ESRRG: variants seen among roughly 807,000 people sequenced by gnomAD.
The protein encoded by ESRRG is estrogen related receptor gamma.
In ESRRG, 13 loss-of-function variants were observed where a neutral mutation model predicts 44.0. That is an observed-to-expected ratio of 0.30 (90% CI 0.19 to 0.47). The LOEUF (loss-of-function observed/expected upper bound fraction) is 0.47, where lower values mean the gene tolerates loss of function less well. ESRRG is among the 20% of genes least tolerant of loss of function. The pLI is 1.00. For synonymous variants in ESRRG, 215 were observed against 214.6 expected (o/e 1.00, Z -0.02); for missense variants, 395 against 580.6 (o/e 0.68, Z 3.29).
intron 1 of ESRRG, among the ~76,000 whole-genome samples, chr1:217,030,749 T>G (rs886871413): frequency 9.2e-5 from 14 of 152,352 alleles, no homozygotes; most frequent in African/African-American, 3.4e-4. Flanking sequence ...ACTGGCCACA[T>G]GCAGTGACTA....
chr1:217,052,001 G>C (rs377570534), intron 1 of ESRRG, among the ~76,000 whole-genome samples: 1 of 151,982 alleles, frequency 6.6e-6, no homozygotes, highest in African/African-American at 2.4e-5. Flanking sequence ...AAACTCCTGG[G>C]CTCAAGCAAT....
chr1:216,584,927 G>A (rs1350071906), intron 3 of ESRRG, among the ~76,000 whole-genome samples: 1 of 152,186 alleles, frequency 6.6e-6, no homozygotes, highest in Non-Finnish European at 1.5e-5. Flanking sequence ...ATGATGGTAA[G>A]TATTAAACCT....
At chr1:216,792,529 T>C (rs997663503) in intron 2 of ESRRG, among the ~76,000 whole-genome samples, 1 of 152,154 alleles carries the variant, frequency 6.6e-6, no homozygotes, top group Non-Finnish European at 1.5e-5. Context: ...TGCCTAGGCA[T>C]TGTTTACATA....
intron 2 of ESRRG, among the ~76,000 whole-genome samples, chr1:216,819,204 C>T (rs1268052631): frequency 6.6e-6 from 1 of 152,186 alleles, no homozygotes; most frequent in African/African-American, 2.4e-5. Context: ...CTCCCACCAA[C>T]AGTGTAAAAG....
intron 3 of ESRRG, among the ~76,000 whole-genome samples, chr1:216,589,022 G>C (rs2057192832): frequency 6.6e-6 from 1 of 152,108 alleles, no homozygotes; most frequent in Admixed American, 6.5e-5. Flanking sequence ...TTAAAGGAAA[G>C]AAAAACAGTG....
chr1:217,031,354 T>C (rs1028209741), intron 1 of ESRRG, among the ~76,000 whole-genome samples: 10 of 152,096 alleles, frequency 6.6e-5, no homozygotes, highest in African/African-American at 2.4e-4. Flanking sequence ...ATTCCCACCA[T>C]TGTCCTAAAG....
chr1:216,687,652 A>G (rs1195143163), intron 1 of ESRRG, among the ~76,000 whole-genome samples: 1 of 152,188 alleles, frequency 6.6e-6, no homozygotes, highest in African/African-American at 2.4e-5. Context: ...AGCGTCTCCT[A>G]CATCTGAAGA....
chr1:216,820,321 G>A (rs1470169067), intron 2 of ESRRG, among the ~76,000 whole-genome samples: 1 of 152,052 alleles, frequency 6.6e-6, no homozygotes, highest in Non-Finnish European at 1.5e-5. Context: ...ACATGAAATA[G>A]CTTGAGAAAA....
intron 1 of ESRRG, among the ~76,000 whole-genome samples, chr1:217,015,885 A>G (rs1321336152): frequency 3.3e-5 from 5 of 151,970 alleles, no homozygotes; most frequent in Non-Finnish European, 5.9e-5. Flanking sequence ...GCATGCCACC[A>G]CGCCCGGCTA....
intron 1 of ESRRG, among the ~76,000 whole-genome samples, chr1:217,126,100 C>G (rs1306297290): frequency 6.6e-6 from 1 of 152,098 alleles, no homozygotes; most frequent in Non-Finnish European, 1.5e-5. Flanking sequence ...AGAGGCCTAG[C>G]TTTGAGTCTC....
chr1:216,799,529 A>G (rs2094559542), intron 2 of ESRRG, among the ~76,000 whole-genome samples: 1 of 152,124 alleles, frequency 6.6e-6, no homozygotes, highest in South Asian at 2.1e-4. Context: ...AGGTAAGGTT[A>G]ATCCATACAA....
At chr1:216,514,596 A>C (rs559526956) in intron 6 of ESRRG, among the ~76,000 whole-genome samples, 5 of 152,262 alleles carry the variant, frequency 3.3e-5, no homozygotes, top group Admixed American at 3.3e-4. Flanking sequence ...CCAGATGTGA[A>C]ATTGTAATGG....
chr1:216,630,333 C>T (rs1034344708), intron 3 of ESRRG, among the ~76,000 whole-genome samples: 6 of 152,056 alleles, frequency 3.9e-5, no homozygotes, highest in Admixed American at 3.9e-4. Context: ...AGAATGATGA[C>T]TGAATTACAG....
chr1:216,737,623 C>A (rs891377461), intron 2 of ESRRG, among the ~76,000 whole-genome samples: 4 of 151,988 alleles, frequency 2.6e-5, no homozygotes, highest in Admixed American at 1.3e-4. Context: ...ATTATTGAAC[C>A]GTGTAAAGGA....
At chr1:217,023,955 T>A (rs569321640) in intron 1 of ESRRG, among the ~76,000 whole-genome samples, 4 of 152,352 alleles carry the variant, frequency 2.6e-5, no homozygotes, top group South Asian at 4.1e-4. Context: ...GATACAGTCA[T>A]GACATACAAG....
At chr1:216,912,747 C>T (rs2149610946) in intron 2 of ESRRG, among the ~76,000 whole-genome samples, 2 of 152,200 alleles carry the variant, frequency 1.3e-5, no homozygotes, top group South Asian at 4.2e-4. Context: ...ATACATTATA[C>T]ACACAATTAC....
At chr1:217,030,091 A>G (rs1180838402) in intron 1 of ESRRG, among the ~76,000 whole-genome samples, 2 of 152,124 alleles carry the variant, frequency 1.3e-5, no homozygotes, top group African/African-American at 2.4e-5. Flanking sequence ...CAAAGAAAGA[A>G]TAAGGTGGTG....
chr1:217,067,847 G>GA (rs1164164190), intron 1 of ESRRG, among the ~76,000 whole-genome samples: 1 of 151,762 alleles, frequency 6.6e-6, no homozygotes, highest in Non-Finnish European at 1.5e-5. Flanking sequence ...TTTCAAAGGG[G>GA]AAAAAAAACC....
At chr1:217,046,717 C>A (rs916454591) in intron 1 of ESRRG, among the ~76,000 whole-genome samples, 1 of 152,020 alleles carries the variant, frequency 6.6e-6, no homozygotes, top group Admixed American at 6.6e-5. Flanking sequence ...GACCCCATCT[C>A]TACAAATGAT....
Sources: gnomAD v4.1 joint callset for allele counts (sites outside exome capture counted in the v4.1 genomes callset) on GRCh38, gnomAD v4.1.1 for gene constraint, MANE v1.5 for transcripts, NCBI Gene and HGNC (gene_info 2026-07-23, HGNC 2026-07-21) for gene names.